The following UNC5C variants were observed in gnomAD, a reference collection of about 807,000 sequenced individuals.
UNC5C encodes the protein unc-5 netrin receptor C.
Under a neutral mutation model 99.8 loss-of-function variants are expected in UNC5C, and 47 were observed. The observed-to-expected ratio is 0.47, with a 90% CI of 0.37 to 0.60. The LOEUF (loss-of-function observed/expected upper bound fraction) is 0.60. Ranked by LOEUF, UNC5C falls within the 20% of genes least tolerant of loss-of-function variation. The pLI, the probability that UNC5C is intolerant of heterozygous loss-of-function variation, is 0.00. For synonymous variants in UNC5C, 487 were observed against 452.2 expected (o/e 1.08, Z -0.98); for missense variants, 1,062 against 1,165.9 (o/e 0.91, Z 1.30).
intron 3 of UNC5C, among the ~76,000 whole-genome samples, chr4:95,291,743 A>G (rs894126401): frequency 6.6e-6 from 1 of 152,194 alleles, no homozygotes; most frequent in Admixed American, 6.5e-5. Context: ...ATTTATATAA[A>G]ACAAGAGTAT....
intron 2 of UNC5C, 67 bp downstream of exon 2, chr4:95,335,343 T>C (rs1472971304): frequency 3.7e-6 from 5 of 1,367,530 alleles, no homozygotes; most frequent in Middle Eastern, 3.8e-4. Flanking sequence ...AATAACAGTA[T>C]GTCCACATGC....
chr4:95,389,832 G>A (rs1314999185), intron 1 of UNC5C, among the ~76,000 whole-genome samples: 1 of 151,942 alleles, frequency 6.6e-6, no homozygotes, highest in East Asian at 1.9e-4. Flanking sequence ...AAAAATATTA[G>A]TTACATGTTG....
intron 1 of UNC5C, among the ~76,000 whole-genome samples, chr4:95,357,137 T>TTTC (rs1744235234): frequency 1.1e-5 from 1 of 89,700 alleles, no homozygotes; most frequent in African/African-American, 4.2e-5. Context: ...TTTTTTTTGT[T>TTTC]TTTTTTTTTA....
intron 1 of UNC5C, among the ~76,000 whole-genome samples, chr4:95,347,629 C>A (rs2626063): frequency 0.78 from 118,094 of 151,958 alleles, 46,520 homozygotes; most frequent in East Asian, 1. Flanking sequence ...TTCATTTTTG[C>A]CAAGGGTGCC....
intron 1 of UNC5C, among the ~76,000 whole-genome samples, chr4:95,480,843 T>C (rs1230925904): frequency 1.3e-5 from 2 of 151,988 alleles, no homozygotes; most frequent in Non-Finnish European, 2.9e-5. Context: ...AAATTAGGTA[T>C]TGATGGGACG....
chr4:95,369,096 G>A (rs1486594413), intron 1 of UNC5C, among the ~76,000 whole-genome samples: 1 of 151,690 alleles, frequency 6.6e-6, no homozygotes, highest in Non-Finnish European at 1.5e-5. Flanking sequence ...TGGCCTCAAG[G>A]GATCCTCCCA....
intron 3 of UNC5C, among the ~76,000 whole-genome samples, chr4:95,294,000 C>A (rs1245493621): frequency 1.3e-5 from 2 of 152,128 alleles, no homozygotes; most frequent in Non-Finnish European, 2.9e-5. Context: ...CTGGTCATAA[C>A]TGAAGCTATT....
intron 7 of UNC5C, chr4:95,222,347 G>T (rs938793228): frequency 1.3e-5 from 11 of 852,250 alleles, no homozygotes; most frequent in East Asian, 3.0e-5. Flanking sequence ...CATGAAAAAT[G>T]GTTTAATTAA....
chr4:95,196,228 T>G (rs749830759), intron 12 of UNC5C, among the ~76,000 whole-genome samples: 7 of 152,158 alleles, frequency 4.6e-5, no homozygotes, highest in Admixed American at 2.6e-4. Flanking sequence ...TCATTGCAAA[T>G]AATGAAAGGA....
At chr4:95,370,422 A>G (rs965960711) in intron 1 of UNC5C, among the ~76,000 whole-genome samples, 1 of 152,166 alleles carries the variant, frequency 6.6e-6, no homozygotes, top group Non-Finnish European at 1.5e-5. Context: ...TTGCCTGTAC[A>G]TGCGATTTCT....
intron 1 of UNC5C, among the ~76,000 whole-genome samples, chr4:95,477,493 T>C (rs1217549028): frequency 6.6e-6 from 1 of 152,018 alleles, no homozygotes. Flanking sequence ...CTAAGCACTG[T>C]CTAAAGGGGA....
At chr4:95,496,963 A>G (rs1721646483) in intron 1 of UNC5C, among the ~76,000 whole-genome samples, 2 of 151,972 alleles carry the variant, frequency 1.3e-5, no homozygotes, top group South Asian at 4.1e-4. Flanking sequence ...CTTCATTTAG[A>G]ATAACAACCT....
chr4:95,268,620 T>C (rs1379359407), intron 4 of UNC5C, among the ~76,000 whole-genome samples: 1 of 152,190 alleles, frequency 6.6e-6, no homozygotes, highest in Non-Finnish European at 1.5e-5. Flanking sequence ...TATACTCTCC[T>C]GTGAAAGACA....
intron 4 of UNC5C, among the ~76,000 whole-genome samples, chr4:95,259,063 G>T (rs1740122338): frequency 1.3e-5 from 2 of 151,968 alleles, no homozygotes; most frequent in Non-Finnish European, 2.9e-5. Flanking sequence ...GCCCGGCCTC[G>T]ACCATCTTAT....
chr4:95,226,220 C>T (rs564266942), intron 7 of UNC5C, among the ~76,000 whole-genome samples: 37 of 152,350 alleles, frequency 2.4e-4, no homozygotes, highest in African/African-American at 8.4e-4. Context: ...AGCACCAGGC[C>T]ATGGGCCAGT....
rs550503014 is a variant in UNC5C, at chr4:95,215,943, G to T, written c.1733+181C>A. 8.2e-6 allele frequency: 4 copies of T among 486,792 alleles called. No individual in the cohort carries two copies. The East Asian group carries it at 1.4e-4, about 18-fold the overall frequency. 30.2% of individuals were successfully genotyped at this position (486,792 alleles called of 1,614,324 possible). On this transcript the variant is annotated intron_variant, in intron 10 of 15. Transcript: ENST00000453304. ...ACCCATATTCAAGATCTGCAAAAGC[G>T]TCTGGAGCCTCAAAGACAAAGAGAA...
chr4:95,340,520 C>T (rs1743527080), intron 1 of UNC5C, among the ~76,000 whole-genome samples: 3 of 151,894 alleles, frequency 2.0e-5, no homozygotes, highest in African/African-American at 7.3e-5. Context: ...ATTAAAATAT[C>T]CTCAGGAAGA....
chr4:95,296,388 T>C (rs1466947956), intron 3 of UNC5C, among the ~76,000 whole-genome samples: 1 of 152,154 alleles, frequency 6.6e-6, no homozygotes, highest in African/African-American at 2.4e-5. Flanking sequence ...TGTTTTTTTA[T>C]TTGAAAATAG....
At position 95,163,645 on chromosome 4, in the gene UNC5C, A is replaced by G. The variant is rs553542877; in HGVS notation, c.*5589T>C. 5 of 152,332 alleles carry G rather than the reference A, an allele frequency of 3.3e-5. No homozygotes were observed. In the South Asian group the frequency reaches 1.0e-3, roughly 32 times the overall value. The allele number at this position is 152,332 out of a possible 1,614,324, so 9.4% of individuals were successfully genotyped here. A position where few individuals can be genotyped will look rare whatever the true frequency, so the allele number is the denominator to read the frequency against. The stretch of plus-strand genomic sequence containing the variant: ...TTAAATGGTATGACTTGCAATTTAT[A>G]TTTTTGTTGAAGGACAAATCTGAAA... On this transcript the variant is annotated 3_prime_UTR_variant, in exon 16 of 16. Transcript: ENST00000453304.
Sources: gnomAD v4.1 joint callset for allele counts (sites outside exome capture counted in the v4.1 genomes callset) on GRCh38, gnomAD v4.1.1 for gene constraint, MANE v1.5 for transcripts, NCBI Gene and HGNC (gene_info 2026-07-23, HGNC 2026-07-21) for gene names.